Variants in LTBP1 observed in about 807,000 individuals in gnomAD.
The protein encoded by LTBP1 is latent transforming growth factor beta binding protein 1, also known as latent-transforming growth factor beta-binding protein 1.
Under a neutral mutation model 207.6 loss-of-function variants are expected in LTBP1, and 129 were observed. The observed-to-expected ratio is 0.62, with a 90% CI of 0.54 to 0.72. The LOEUF is 0.72. Among genes scored for constraint, LTBP1 ranks in the 30% least tolerant of loss-of-function variants. The pLI, the probability that LTBP1 is intolerant of heterozygous loss-of-function variation, is 0.00. For synonymous variants in LTBP1, 963 were observed against 833.7 expected (o/e 1.16, Z -2.67); for missense variants, 2,281 against 2,217.2 (o/e 1.03, Z -0.58).
chr2:33,247,426 A>G (rs879657900), intron 10 of LTBP1, among the ~76,000 whole-genome samples: 1 of 152,228 alleles, frequency 6.6e-6, no homozygotes, highest in Admixed American at 6.5e-5. Context: ...TTAGGGTTCT[A>G]GATCAGGAGT....
intron 17 of LTBP1, 117 bp from the exon 18 acceptor site, chr2:33,275,683 TC>T: frequency 7.8e-7 from 1 of 1,285,940 alleles, no homozygotes; most frequent in African/African-American, 1.5e-5. Flanking sequence ...AAACTCCATC[TC>T]AAAAAAAAAA....
At chr2:33,056,334 T>C (rs2076998877) in intron 3 of LTBP1, 1 of 1,201,584 alleles carries the variant, frequency 8.3e-7, no homozygotes. Context: ...TGTTTGCATT[T>C]ATTTGCTTTT....
chr2:33,058,188 A>G (rs1572427012), intron 3 of LTBP1, among the ~76,000 whole-genome samples: 1 of 152,262 alleles, frequency 6.6e-6, no homozygotes, highest in East Asian at 1.9e-4. Flanking sequence ...AATAGCTATG[A>G]TGAAGTATAT....
chr2:33,297,025 T>C (rs2093890069), intron 20 of LTBP1, among the ~76,000 whole-genome samples: 1 of 152,150 alleles, frequency 6.6e-6, no homozygotes, highest in Non-Finnish European at 1.5e-5. Flanking sequence ...AAGAAGTGTG[T>C]GGCTAACTCT....
intron 2 of LTBP1, among the ~76,000 whole-genome samples, chr2:33,003,836 C>G (rs1174656338): frequency 1.3e-5 from 2 of 151,038 alleles, no homozygotes; most frequent in Non-Finnish European, 3.0e-5. Context: ...ACAAAAACCT[C>G]TGCAAAAACC....
intron 4 of LTBP1, among the ~76,000 whole-genome samples, chr2:33,119,704 C>G (rs978114777): frequency 2.5e-4 from 38 of 152,200 alleles, no homozygotes; most frequent in African/African-American, 9.2e-4. Flanking sequence ...ACTACAGGCG[C>G]CTGCCACCAC....
chr2:32,996,582 A>T (rs1045334607), intron 2 of LTBP1, among the ~76,000 whole-genome samples: 5 of 152,166 alleles, frequency 3.3e-5, no homozygotes, highest in African/African-American at 1.2e-4. Context: ...TACTATGTAC[A>T]AAGTAGAGTG....
rs184581470 is a variant in LTBP1, at chr2:33,181,579, G to A, written c.1202-5277G>A. Among the ~76,000 whole-genome samples, 59 of 152,332 alleles carry A rather than the reference G, an allele frequency of 3.9e-4. No individual in the cohort carries two copies. In the East Asian group the frequency reaches 0.01, roughly 26 times the overall value. ...GTAACAGGCTGAAGGCCTACCTCTT[G>A]TTAATTGCAGTAGTTCCCAGGTGAC... On this transcript the variant is annotated intron_variant, in intron 5 of 33. Coordinates refer to ENST00000404816, the MANE Select transcript of LTBP1 (RefSeq NM_206943.4).
chr2:33,240,834 T>C (rs1249593274), intron 9 of LTBP1, among the ~76,000 whole-genome samples: 1 of 151,992 alleles, frequency 6.6e-6, no homozygotes, highest in East Asian at 1.9e-4. Context: ...GTATTTTTAG[T>C]AGAGACGGGG....
At chr2:33,089,548 C>G (rs1377798112) in intron 3 of LTBP1, among the ~76,000 whole-genome samples, 1 of 152,198 alleles carries the variant, frequency 6.6e-6, no homozygotes, top group African/African-American at 2.4e-5. Context: ...AGAGAATTAC[C>G]TGGCACTAAG....
At chr2:33,328,071 G>A (rs2094449396) in intron 24 of LTBP1, among the ~76,000 whole-genome samples, 2 of 151,112 alleles carry the variant, frequency 1.3e-5, no homozygotes, top group South Asian at 4.2e-4. Flanking sequence ...GAAGGTGAAG[G>A]TTGCAGTGAG....
At chr2:32,994,254 G>T (rs13404133) in intron 2 of LTBP1, among the ~76,000 whole-genome samples, 4,853 of 152,108 alleles carry the variant, frequency 0.032, 258 homozygotes, top group African/African-American at 0.11. Context: ...GGTGTGCCTG[G>T]CACTAAGTGT....
At chr2:33,377,594 G>A (rs1020917556) in intron 31 of LTBP1, among the ~76,000 whole-genome samples, 1 of 152,178 alleles carries the variant, frequency 6.6e-6, no homozygotes, top group Non-Finnish European at 1.5e-5. Context: ...TAATCTTACT[G>A]ATGTCCTATT....
At chr2:33,322,782 AG>A (rs2094374694) in intron 24 of LTBP1, among the ~76,000 whole-genome samples, 1 of 152,234 alleles carries the variant, frequency 6.6e-6, no homozygotes, top group Non-Finnish European at 1.5e-5. Flanking sequence ...TGCCTCCTGT[AG>A]GTCCGTATTT....
At chr2:33,026,245 A>C (rs943914215) in intron 3 of LTBP1, among the ~76,000 whole-genome samples, 2 of 152,050 alleles carry the variant, frequency 1.3e-5, no homozygotes, top group Non-Finnish European at 2.9e-5. Context: ...GACCTTGCTC[A>C]ATATTGAACC....
At chr2:33,374,324 T>C (rs536248325) in intron 31 of LTBP1, among the ~76,000 whole-genome samples, 1 of 152,334 alleles carries the variant, frequency 6.6e-6, no homozygotes, top group East Asian at 1.9e-4. Context: ...GACATTGCAC[T>C]GGGCACATTA....
At chr2:33,274,195 A>G (rs370301064) in intron 16 of LTBP1, among the ~76,000 whole-genome samples, 26 of 152,278 alleles carry the variant, frequency 1.7e-4, no homozygotes, top group Middle Eastern at 3.4e-3. Context: ...TTGAAAATCC[A>G]TATATGCTGG....
At chr2:33,324,257 TATTGTTATAATTGTTATAACA>T (rs72087724) in intron 24 of LTBP1, among the ~76,000 whole-genome samples, 13,415 of 152,022 alleles carry the variant, frequency 0.088, 804 homozygotes, top group East Asian at 0.21. Context: ...TGTTACAGTA[TATTGTTATAATTGTTATAACA>T]ATTGTTATAA....
At chr2:33,249,347 AC>A (rs2092613561) in intron 10 of LTBP1, among the ~76,000 whole-genome samples, 1 of 151,660 alleles carries the variant, frequency 6.6e-6, no homozygotes, top group Non-Finnish European at 1.5e-5. Context: ...ACACACACAC[AC>A]ACACACACAC....
Sources: gnomAD v4.1 joint callset for allele counts (sites outside exome capture counted in the v4.1 genomes callset) on GRCh38, gnomAD v4.1.1 for gene constraint, MANE v1.5 for transcripts, NCBI Gene and HGNC (gene_info 2026-07-23, HGNC 2026-07-21) for gene names.